ZNF536: variants seen among roughly 807,000 people sequenced by gnomAD.
ZNF536 encodes zinc finger protein 536.
In ZNF536, 13 loss-of-function variants were observed where a neutral mutation model predicts 84.5. The ratio of observed to expected loss-of-function variants is 0.15; its 90% confidence interval spans 0.10 to 0.24. ZNF536 has a LOEUF of 0.24. Among genes scored for constraint, ZNF536 ranks in the 10% least tolerant of loss-of-function variants. The pLI is 1.00. For synonymous variants in ZNF536, 811 were observed against 742.5 expected (o/e 1.09, Z -1.50); for missense variants, 1,536 against 1,747.5 (o/e 0.88, Z 2.16).
chr19:30,698,414 T>C (rs750507358), intron 1 of ZNF536, among the ~76,000 whole-genome samples: 2 of 152,350 alleles, frequency 1.3e-5, no homozygotes, highest in Non-Finnish European at 2.9e-5. Flanking sequence ...CGAAGCAATA[T>C]TGACACATTA....
At chr19:30,673,762 G>C (rs543969490) in intron 1 of ZNF536, among the ~76,000 whole-genome samples, 5 of 152,342 alleles carry the variant, frequency 3.3e-5, no homozygotes, top group African/African-American at 1.2e-4. Context: ...ACGTCCCGAT[G>C]TCAGGTTCCC....
Position 30,515,357 on chromosome 19 carries a change from G to T in ZNF536, c.2171-19490G>T, listed in dbSNP as rs55771789. 4.1e-3 allele frequency among the ~76,000 whole-genome samples: 623 copies of T among 152,304 alleles called. 9 individuals carry two copies. Among genetic ancestry groups the T allele is most frequent in the African/African-American group, 0.015 (605 of 41,570 alleles). On this transcript the variant is annotated intron_variant, in intron 2 of 4. Transcript: ENST00000355537. ...CTTTGAAAGCACATAGAATGTGCTC[G>T]ATTAATGTTAACTGCTATTGAAGTA... is the stretch of plus-strand genomic sequence containing the variant.
chr19:30,705,309 A>ATGTGTGTGTGTGTGTG (rs56199909), intron 1 of ZNF536, among the ~76,000 whole-genome samples: 167 of 149,218 alleles, frequency 1.1e-3, no homozygotes, highest in African/African-American at 3.9e-3. Flanking sequence ...ACTCAGAAAG[A>ATGTGTGTGTGTGTGTG]TGTGTGTGTG....
intron 2 of ZNF536, among the ~76,000 whole-genome samples, chr19:30,314,172 C>T (rs1326185737): frequency 1.3e-5 from 2 of 152,156 alleles, no homozygotes; most frequent in Non-Finnish European, 2.9e-5. Flanking sequence ...GTGCAGAGAA[C>T]ATTAGAGTGA....
At chr19:30,516,685 G>A (rs1265033005) in intron 2 of ZNF536, among the ~76,000 whole-genome samples, 1 of 152,182 alleles carries the variant, frequency 6.6e-6, no homozygotes, top group Non-Finnish European at 1.5e-5. Flanking sequence ...TGGTAAGTAG[G>A]CTGGAATCAA....
intron 2 of ZNF536, among the ~76,000 whole-genome samples, chr19:30,299,098 G>T (rs1210648208): frequency 1.3e-5 from 2 of 152,212 alleles, no homozygotes; most frequent in African/African-American, 4.8e-5. Flanking sequence ...CTCTGTGAAA[G>T]AATCATTTGT....
rs772356678 is a variant in ZNF536 at position 30,548,200 on chromosome 19, T to C, written c.2581T>C (p.Ser861Pro). ...AGGCCCTGCATCTCAGCAGTGGACATCAGGGGTTCTCTCCTCTGGAGATCA... is the reference window on the plus strand; with the variant it reads ...AGGCCCTGCATCTCAGCAGTGGACACCAGGGGTTCTCTCCTCTGGAGATCA... ...RGGPASQQWTSGVLSSGDHSG... is the reference protein window; with the variant it reads ...RGGPASQQWTPGVLSSGDHSG... Residue 861 changes from serine (S) to proline (P), a missense_variant, in exon 4 of 5, where the codon TCA becomes CCA. Transcript: ENST00000355537. 1.2e-6 allele frequency: 2 copies of C among 1,614,186 alleles called. No homozygotes were observed. Among genetic ancestry groups the C allele is most frequent in the South Asian group, 1.1e-5 (1 of 91,086 alleles).
intron 1 of ZNF536, among the ~76,000 whole-genome samples, chr19:30,599,270 A>C (rs1391257491): frequency 1.7e-4 from 11 of 64,154 alleles, no homozygotes; most frequent in East Asian, 5.9e-4. Context: ...CCTTTCCCCC[A>C]TCCTTGTCTC....
Position 30,229,767 on chromosome 19 carries a change from C to G in ZNF536, c.-190+1094C>G, listed in dbSNP as rs112392981. ...ATTTGCTTGGTAATGATAGCACTGA[C>G]GTCCTGCTCCCTGACAAATGCAGAA... On this transcript the variant is annotated intron_variant, in intron 1 of 5. Coordinates refer to the ZNF536 transcript ENST00000585628. 8.7e-3 allele frequency among the ~76,000 whole-genome samples: 1,324 copies of G among 152,312 alleles called. 8 individuals are homozygous for G. The highest frequency in any genetic ancestry group is 0.011 in the African/African-American group (446 of 41,576).
intron 1 of ZNF536, among the ~76,000 whole-genome samples, chr19:30,592,559 C>G (rs564754801): frequency 6.6e-6 from 1 of 152,160 alleles, no homozygotes; most frequent in Non-Finnish European, 1.5e-5. Context: ...CACCCGGGCT[C>G]AGCTCACTAA....
At chr19:30,580,214 C>T (rs2046871818) in intron 1 of ZNF536, among the ~76,000 whole-genome samples, 1 of 152,182 alleles carries the variant, frequency 6.6e-6, no homozygotes, top group Non-Finnish European at 1.5e-5. Context: ...CACAGAGAGC[C>T]CCGGGCTGGG....
intron 1 of ZNF536, among the ~76,000 whole-genome samples, chr19:30,651,320 C>T (rs753223849): frequency 6.6e-6 from 1 of 152,184 alleles, no homozygotes; most frequent in Non-Finnish European, 1.5e-5. Context: ...GGCACTGTGC[C>T]TCTTGGATGC....
At chr19:30,383,401 C>T (rs2049100888) in intron 1 of ZNF536, among the ~76,000 whole-genome samples, 1 of 152,146 alleles carries the variant, frequency 6.6e-6, no homozygotes, top group Non-Finnish European at 1.5e-5. Context: ...TGGGGTCTGC[C>T]CAGTTCAGAT....
chr19:30,700,675 C>T (rs944120311), intron 1 of ZNF536, among the ~76,000 whole-genome samples: 4 of 152,272 alleles, frequency 2.6e-5, no homozygotes, highest in African/African-American at 9.6e-5. Flanking sequence ...GCCTGAGCCT[C>T]CCGTGGCCCT....
intron 2 of ZNF536, among the ~76,000 whole-genome samples, chr19:30,505,294 AAT>A (rs1347768517): frequency 6.8e-6 from 1 of 147,542 alleles, no homozygotes; most frequent in Non-Finnish European, 1.5e-5. Flanking sequence ...ATATTCTATA[AAT>A]ATATGTTATA....
At chr19:30,664,650 C>A (rs74517793) in intron 1 of ZNF536, among the ~76,000 whole-genome samples, 3,233 of 152,288 alleles carry the variant, frequency 0.021, 39 homozygotes, top group Middle Eastern at 0.034. Context: ...GCACGTAGTA[C>A]CATTTATGCG....
At chr19:30,596,679 A>C (rs1363953328) in intron 1 of ZNF536, among the ~76,000 whole-genome samples, 1 of 152,194 alleles carries the variant, frequency 6.6e-6, no homozygotes, top group African/African-American at 2.4e-5. Flanking sequence ...AGGGAAAAAA[A>C]AAAGTAGTAA....
intron 2 of ZNF536, among the ~76,000 whole-genome samples, chr19:30,533,148 C>T (rs1490249517): frequency 1.3e-5 from 2 of 152,174 alleles, no homozygotes; most frequent in Admixed American, 6.5e-5. Flanking sequence ...ATGATATGGT[C>T]GTACACAGTC....
In ZNF536 at chr19:30,557,228, T is replaced by C; in HGVS notation, c.*64T>C. On this transcript the variant is annotated 3_prime_UTR_variant, in exon 5 of 5. Transcript: ENST00000355537. ...GTCTGTTCGTGGTCCTCGGTGGTTA[T>C]CTGCAGCTTGTTAATCGTGTAAAGT... 4 of 1,573,946 alleles carry C rather than the reference T, an allele frequency of 2.5e-6. No homozygotes were observed. The highest frequency in any genetic ancestry group is 2.6e-6 in the Non-Finnish European group (3 of 1,145,298).
Sources: allele counts gnomAD v4.1 joint callset (sites outside exome capture counted in the v4.1 genomes callset), GRCh38; gene constraint gnomAD v4.1.1; transcripts MANE v1.5; gene names NCBI Gene and HGNC (gene_info 2026-07-23, HGNC 2026-07-21).